Variants in LIMCH1 observed in about 807,000 individuals in gnomAD.
The protein encoded by LIMCH1 is LIM and calponin homology domains 1, also known as LIM and calponin homology domains-containing protein 1.
In LIMCH1, 113 loss-of-function variants were observed where a neutral mutation model predicts 176.5. That is an observed-to-expected ratio of 0.64 (90% CI 0.55 to 0.75). The LOEUF is 0.75. Among genes scored for constraint, LIMCH1 ranks in the 30% least tolerant of loss-of-function variants. LIMCH1 has a pLI of 0.00. For synonymous variants in LIMCH1, 619 were observed against 645.9 expected (o/e 0.96, Z 0.63); for missense variants, 1,674 against 1,814.9 (o/e 0.92, Z 1.41).
At chr4:41,540,431 T>C (rs1219750381) in intron 1 of LIMCH1, among the ~76,000 whole-genome samples, 1 of 152,144 alleles carries the variant, frequency 6.6e-6, no homozygotes, top group East Asian at 1.9e-4. Context: ...GTAGAGAGAA[T>C]AATTTGAGAA....
intron 3 of LIMCH1, 106 bp downstream of exon 3, chr4:41,604,011 G>A: frequency 9.5e-7 from 1 of 1,050,984 alleles, no homozygotes; most frequent in South Asian, 1.5e-5. Context: ...TTAGAAAAAA[G>A]TATATGTGTA....
intron 2 of LIMCH1, among the ~76,000 whole-genome samples, chr4:41,512,739 G>T (rs2075082026): frequency 6.6e-6 from 1 of 152,176 alleles, no homozygotes; most frequent in African/African-American, 2.4e-5. Context: ...GTTGTTTGGG[G>T]CTGGGGGTTG....
chr4:41,585,348 C>T (rs536118490), intron 1 of LIMCH1, among the ~76,000 whole-genome samples: 82 of 152,224 alleles, frequency 5.4e-4, no homozygotes, highest in African/African-American at 1.8e-3. Context: ...TACTATCTTC[C>T]GGATTTATTT....
In LIMCH1 at chr4:41,565,285, G is replaced by A. The variant is rs567311978; in HGVS notation, c.-241+26935G>A. On this transcript the variant is annotated intron_variant, in intron 1 of 31. Coordinates refer to ENST00000503057, the MANE Select transcript of LIMCH1 (RefSeq NM_001330672.2). ...CTCCTTGCTTTATGCATAGTGATTC[G>A]AGGGCTCTCTGTCATGGGTTGGCAT... Among the ~76,000 whole-genome samples, 14 of 150,922 alleles carry A rather than the reference G, an allele frequency of 9.3e-5. No individual in the cohort carries two copies. The South Asian group carries it at 2.9e-3, about 32-fold the overall frequency.
chr4:41,481,008 T>C lies in LIMCH1; in HGVS notation c.97-13528T>C, dbSNP rs550201936. 1.1e-4 allele frequency among the ~76,000 whole-genome samples: 16 copies of C among 151,974 alleles called. No individual in the cohort carries two copies. The South Asian group carries it at 3.1e-3, about 30-fold the overall frequency. On this transcript the variant is annotated intron_variant, in intron 1 of 26. Transcript: ENST00000313860. ...CCAGGATGCTTTTGAGCATCGGCTG[T>C]ATTCTTAATTAGATTTTTTTTTTTT...
chr4:41,424,201 A>G (rs1382638080), intron 1 of LIMCH1, among the ~76,000 whole-genome samples: 2 of 151,812 alleles, frequency 1.3e-5, no homozygotes, highest in African/African-American at 4.8e-5. Context: ...CCCTGTGAAC[A>G]TGGAACTCTG....
intron 1 of LIMCH1, among the ~76,000 whole-genome samples, chr4:41,377,434 A>G (rs1042373558): frequency 3.3e-5 from 5 of 152,214 alleles, no homozygotes; most frequent in African/African-American, 1.2e-4. Context: ...AGGAAAGGGC[A>G]TTCTGCTCAC....
At chr4:41,510,593 AT>A (rs769039399) in intron 2 of LIMCH1, among the ~76,000 whole-genome samples, 2,319 of 146,292 alleles carry the variant, frequency 0.016, 31 homozygotes, top group Non-Finnish European at 0.023. Context: ...TTTATAAATG[AT>A]TTTTTTTTTT....
intron 1 of LIMCH1, among the ~76,000 whole-genome samples, chr4:41,598,363 T>C (rs574022154): frequency 6.6e-6 from 1 of 152,296 alleles, no homozygotes; most frequent in South Asian, 2.1e-4. Context: ...CTGTCCTTTT[T>C]TCTCATTTCG....
intron 1 of LIMCH1, among the ~76,000 whole-genome samples, chr4:41,557,307 T>C (rs1214682191): frequency 6.6e-6 from 1 of 152,164 alleles, no homozygotes; most frequent in African/African-American, 2.4e-5. Flanking sequence ...TAAAATTACC[T>C]TTGAAGCTTC....
chr4:41,374,715 G>C (rs1313994902), intron 1 of LIMCH1, among the ~76,000 whole-genome samples: 2 of 152,158 alleles, frequency 1.3e-5, no homozygotes, highest in African/African-American at 4.8e-5. Context: ...GCAGCTCAAT[G>C]ATATCAGTAA....
At chr4:41,518,166 C>G (rs557150048) in intron 2 of LIMCH1, among the ~76,000 whole-genome samples, 1 of 152,258 alleles carries the variant, frequency 6.6e-6, no homozygotes, top group East Asian at 1.9e-4. Context: ...TTTAAATTTG[C>G]AATCCTTTAA....
intron 1 of LIMCH1, among the ~76,000 whole-genome samples, chr4:41,433,842 G>T (rs1302465662): frequency 3.3e-5 from 5 of 152,174 alleles, no homozygotes; most frequent in Non-Finnish European, 7.3e-5. Flanking sequence ...ATTTCTGGAA[G>T]GGTGGAGTGG....
chr4:41,692,547 G>A (rs931101565), intron 31 of LIMCH1, 163 bp downstream of exon 31: 11 of 557,886 alleles, frequency 2.0e-5, no homozygotes, highest in Non-Finnish European at 2.9e-5. Context: ...TTTACCACTC[G>A]TTTCTTCCTG....
At chr4:41,616,455 G>A (rs948710973) in intron 5 of LIMCH1, among the ~76,000 whole-genome samples, 7 of 152,032 alleles carry the variant, frequency 4.6e-5, no homozygotes, top group African/African-American at 1.7e-4. Context: ...CTTGAACCTG[G>A]GAGGTGGAAG....
chr4:41,384,195 A>G lies in LIMCH1; in HGVS notation c.96+23259A>G, dbSNP rs77875702. Among the ~76,000 whole-genome samples, 692 of 150,656 alleles carry G rather than the reference A, an allele frequency of 4.6e-3. 15 individuals are homozygous for G. The highest frequency in any genetic ancestry group is 0.016 in the African/African-American group (670 of 41,140). On this transcript the variant is annotated intron_variant, in intron 1 of 26. Transcript: ENST00000313860. ...GATTAGACAGTGAGGGGTCCTTCAC[A>G]TTACATCCTGCTTTCTTTTTTTTTT...
intron 1 of LIMCH1, chr4:41,389,644 C>CCAAA (rs545427095): frequency 1.0e-3 from 156 of 152,384 alleles, no homozygotes; most frequent in African/African-American, 3.6e-3. Flanking sequence ...AACCAACCAA[C>CCAAA]CAAACAAACA....
intron 1 of LIMCH1, among the ~76,000 whole-genome samples, chr4:41,370,500 C>T (rs1206227900): frequency 6.6e-6 from 1 of 152,058 alleles, no homozygotes; most frequent in Non-Finnish European, 1.5e-5. Context: ...ATAGCATCCC[C>T]TCTTCTTTTC....
At chr4:41,605,218 T>C (rs1219328258) in intron 3 of LIMCH1, among the ~76,000 whole-genome samples, 1 of 152,226 alleles carries the variant, frequency 6.6e-6, no homozygotes, top group Non-Finnish European at 1.5e-5. Context: ...CATTCTTAAA[T>C]ATCCAAGGTT....
Sources: gnomAD v4.1 joint callset for allele counts (sites outside exome capture counted in the v4.1 genomes callset) on GRCh38, gnomAD v4.1.1 for gene constraint, MANE v1.5 for transcripts, NCBI Gene and HGNC (gene_info 2026-07-23, HGNC 2026-07-21) for gene names.